Variants in STEAP2 observed in about 807,000 individuals in gnomAD.
The protein encoded by STEAP2 is STEAP2 metalloreductase.
A neutral mutation model predicts 46.4 loss-of-function variants in STEAP2; 30 were observed. The ratio of observed to expected loss-of-function variants is 0.65; its 90% CI spans 0.48 to 0.88. STEAP2 has a LOEUF of 0.88. Among genes scored for constraint, STEAP2 ranks in the 40% least tolerant of loss-of-function variants. STEAP2 has a pLI of 0.00. For missense variants in STEAP2, 513 were observed against 579.3 expected (o/e 0.89, Z 1.18); for synonymous variants, 180 against 200.5 (o/e 0.90, Z 0.86).
rs1242753449 is a variant in STEAP2, at chr7:90,233,505, G to A, written c.*881G>A. The A allele has an allele frequency of 1.7e-5, 17 of 985,264 alleles. No individual in the cohort carries two copies. The highest frequency in any genetic ancestry group is 2.0e-5 in the Non-Finnish European group (17 of 829,924). The allele number at this position is 985,264 out of a possible 1,614,324, so 61.0% of individuals were successfully genotyped here. A position where few individuals can be genotyped will look rare whatever the true frequency, so the allele number is the denominator to read the frequency against. ...GTCGCACCTTAACCAGTCACCACTT[G>A]CTATGGTATAGGATTATACTGATGT... On this transcript the variant is annotated 3_prime_UTR_variant, in exon 6 of 6. Coordinates refer to ENST00000394621, the MANE Select transcript of STEAP2 (RefSeq NM_001244944.2).
chr7:90,216,358 G>GA (rs1795015035), intron 1 of STEAP2, 133 bp from the exon 2 acceptor site: 1 of 152,156 alleles, frequency 6.6e-6, no homozygotes, highest in African/African-American at 2.4e-5. Flanking sequence ...CTGGGGAGGG[G>GA]ATCCCCTTGT....
At chr7:90,242,945 G>A (rs1796081322), downstream of STEAP2, among the ~76,000 whole-genome samples, 1 of 152,194 alleles carries the variant, frequency 6.6e-6, no homozygotes, top group Non-Finnish European at 1.5e-5. Flanking sequence ...AAATACTACA[G>A]ACTAGTATAA....
In STEAP2 at chr7:90,236,879, T is replaced by C. The variant is rs1795978080; in HGVS notation, c.*4255T>C. 6.2e-7 allele frequency: 1 copy of C among 1,613,630 alleles called. No homozygotes were observed. Among genetic ancestry groups the C allele is most frequent in the Non-Finnish European group, 8.5e-7 (1 of 1,179,868 alleles). On this transcript the variant is annotated 3_prime_UTR_variant, in exon 6 of 6. Transcript: ENST00000394621. The stretch of plus-strand genomic sequence containing the variant: ...ACTTTAAGGAAATATTCTCTTGAAA[T>C]TGTCTTTAAAGATCTTTTGCAGCTT...
At chr7:90,220,072 T>A (rs764392780) in intron 2 of STEAP2, among the ~76,000 whole-genome samples, 2 of 152,194 alleles carry the variant, frequency 1.3e-5, no homozygotes, top group African/African-American at 2.4e-5. Flanking sequence ...TCTGTGCTCA[T>A]CAGGAATAAT....
At chr7:90,213,884 C>T (rs1017706286) in intron 1 of STEAP2, 2 of 152,160 alleles carry the variant, frequency 1.3e-5, no homozygotes, top group African/African-American at 2.4e-5. Flanking sequence ...TTGTTGTTTT[C>T]TCTTTCTAGA....
intron 2 of STEAP2, among the ~76,000 whole-genome samples, chr7:90,222,133 T>C (rs1795278806): frequency 6.6e-6 from 1 of 152,270 alleles, no homozygotes; most frequent in African/African-American, 2.4e-5. Flanking sequence ...TCATTACTTC[T>C]GGTTTTTTTA....
At chr7:90,238,768 G>A (rs1796023808), downstream of STEAP2, among the ~76,000 whole-genome samples, 1 of 152,166 alleles carries the variant, frequency 6.6e-6, no homozygotes, top group Non-Finnish European at 1.5e-5. Flanking sequence ...ACTTTTGGTA[G>A]TGGATTCTTC....
rs1343401799 is a variant in STEAP2, at chr7:90,237,399, C to T, written c.*4775C>T. 1 of 155,700 alleles carries T rather than the reference C, an allele frequency of 6.4e-6. No homozygotes were observed. The highest frequency in any genetic ancestry group is 1.4e-5 in the Non-Finnish European group (1 of 70,352). The allele number at this position is 155,700 out of a possible 1,614,324, so 9.6% of individuals were successfully genotyped here. ...GCAATTCACATTAAAATTGATTTTC[C>T]ATTGTCAATTAGTTATACTCATTTT... On this transcript the variant is annotated 3_prime_UTR_variant, in exon 6 of 6. Transcript: ENST00000394621.
chr7:90,222,587 C>T (rs1230551731), intron 2 of STEAP2, among the ~76,000 whole-genome samples: 1 of 152,154 alleles, frequency 6.6e-6, no homozygotes, highest in African/African-American at 2.4e-5. Flanking sequence ...GTTTCCTCAT[C>T]TACAAAGTGG....
At chr7:90,215,065 A>C (rs1230056760) in intron 1 of STEAP2, among the ~76,000 whole-genome samples, 1 of 152,220 alleles carries the variant, frequency 6.6e-6, no homozygotes, top group East Asian at 1.9e-4. Flanking sequence ...TGAGGACAGC[A>C]GTAAGGACAG....
intron 3 of STEAP2, 33 bp from the exon 4 acceptor site, chr7:90,226,938 T>C: frequency 6.5e-7 from 1 of 1,532,590 alleles, no homozygotes; most frequent in Non-Finnish European, 8.7e-7. Flanking sequence ...TAAACAACAA[T>C]GGTAATGCTG....
chr7:90,216,964 G>C (rs1223991140), intron 2 of STEAP2, among the ~76,000 whole-genome samples: 2 of 152,178 alleles, frequency 1.3e-5, no homozygotes, highest in Non-Finnish European at 2.9e-5. Context: ...TGAGATTGCA[G>C]TTCTGCTACT....
chr7:90,241,190 A>ACT (rs1554345401), downstream of STEAP2, among the ~76,000 whole-genome samples: 56 of 151,758 alleles, frequency 3.7e-4, no homozygotes, highest in African/African-American at 1.3e-3. Context: ...ACACACACAC[A>ACT]CTCACACACA....
At position 90,236,819 on chromosome 7, in the gene STEAP2, A is replaced by G; in HGVS notation, c.*4195A>G. The G allele has an allele frequency of 6.3e-7, 1 of 1,595,292 alleles. No individual in the cohort carries two copies. Among genetic ancestry groups the G allele is most frequent in the African/African-American group, 1.3e-5 (1 of 74,284 alleles). ...GCCAGATGAGCTAAATTAAATCACAAAAGCAGATGCTTTTGTATGATCTCC... is the reference window on the plus strand; with the variant it reads ...GCCAGATGAGCTAAATTAAATCACAGAAGCAGATGCTTTTGTATGATCTCC... On this transcript the variant is annotated 3_prime_UTR_variant, in exon 6 of 6. Transcript: ENST00000394621.
rs200973137 is a variant in STEAP2 at position 90,227,331 on chromosome 7, G to A, written c.853G>A (p.Gly285Ser). ...LLAAAYQLYY[G>S]TKYRRFPPWL... ...GGCAGCTGCTTATCAACTTTATTAC[G>A]GCACCAAGTATAGGAGATTTCCACC... Residue 285 changes from glycine to serine, a missense_variant, in exon 4 of 6, where the codon GGC (glycine) becomes AGC (serine). Transcript: ENST00000394621. 20 of 1,613,760 alleles carry A rather than the reference G, an allele frequency of 1.2e-5. No homozygotes were observed. The highest frequency in any genetic ancestry group is 3.3e-4 in the Middle Eastern group (2 of 6,058).
In STEAP2 at chr7:90,227,449, C is replaced by T. The variant is rs779658541; in HGVS notation, c.971C>T (p.Pro324Leu). ...CATGTTGCCTACAGCCTCTGCTTAC[C>T]GATGAGAAGGTCAGAGAGATATTTG... ...MVHVAYSLCL[P>L]MRRSERYLFL... The change falls in exon 4 of 6, where the codon CCG becomes CTG. Residue 324 changes from proline to leucine, a missense_variant. Pro to Leu is a moderately conservative substitution (Grantham distance 98, BLOSUM62 -3). Transcript: ENST00000394621. The T allele has an allele frequency of 6.9e-6, 11 of 1,602,244 alleles. No individual in the cohort carries two copies. Among genetic ancestry groups the T allele is most frequent in the East Asian group, 2.2e-5 (1 of 44,558 alleles).
At chr7:90,242,441 G>A (rs1284428591), downstream of STEAP2, among the ~76,000 whole-genome samples, 1 of 152,138 alleles carries the variant, frequency 6.6e-6, no homozygotes, top group African/African-American at 2.4e-5. Flanking sequence ...TGTCTCCTAG[G>A]CAAGCTCTAC....
chr7:90,230,334 A>G (rs1050406154), intron 5 of STEAP2, among the ~76,000 whole-genome samples: 11 of 152,078 alleles, frequency 7.2e-5, no homozygotes, highest in African/African-American at 2.4e-4. Flanking sequence ...ATGAGCTTAG[A>G]TCAAATTTAA....
chr7:90,230,094 C>T, intron 5 of STEAP2, 58 bp downstream of exon 5: 1 of 1,572,804 alleles, frequency 6.4e-7, no homozygotes, highest in Non-Finnish European at 8.6e-7. Context: ...TTGTTAAGAA[C>T]AACTGCATTT....
Sources: gnomAD v4.1 joint callset for allele counts (sites outside exome capture counted in the v4.1 genomes callset) on GRCh38, gnomAD v4.1.1 for gene constraint, MANE v1.5 for transcripts, NCBI Gene and HGNC (gene_info 2026-07-23, HGNC 2026-07-21) for gene names.